KAZN: variants seen among roughly 807,000 people sequenced by gnomAD.
The protein encoded by KAZN is kazrin, periplakin interacting protein, also known as kazrin.
A neutral mutation model predicts 87.4 loss-of-function variants in KAZN; 40 were observed. The ratio of observed to expected loss-of-function variants is 0.46; its 90% CI spans 0.36 to 0.60. The LOEUF (loss-of-function observed/expected upper bound fraction) is 0.60, where lower values mean the gene tolerates loss of function less well. Among genes scored for constraint, KAZN ranks in the 20% least tolerant of loss-of-function variants. The pLI is 0.00. For missense variants in KAZN, 898 were observed against 1,073.9 expected (o/e 0.84, Z 2.29); for synonymous variants, 466 against 458.3 (o/e 1.02, Z -0.22).
chr1:14,648,729 A>G (rs1384098071), intron 1 of KAZN, among the ~76,000 whole-genome samples: 2 of 152,186 alleles, frequency 1.3e-5, no homozygotes, highest in African/African-American at 4.8e-5. Flanking sequence ...TAAAGGAGTT[A>G]GAGATTGGGA....
At chr1:14,281,647 T>G (rs1652844255) in intron 2 of KAZN, among the ~76,000 whole-genome samples, 1 of 152,228 alleles carries the variant, frequency 6.6e-6, no homozygotes, top group African/African-American at 2.4e-5. Context: ...ATTTCCTCTA[T>G]GCTGGTGATA....
intron 2 of KAZN, among the ~76,000 whole-genome samples, chr1:14,421,643 A>G (rs1665434028): frequency 6.6e-6 from 1 of 152,116 alleles, no homozygotes; most frequent in African/African-American, 2.4e-5. Flanking sequence ...TTCTATCCAC[A>G]AGTTTGGAAA....
intron 1 of KAZN, among the ~76,000 whole-genome samples, chr1:14,959,310 C>T (rs1663552252): frequency 6.6e-6 from 1 of 152,180 alleles, no homozygotes; most frequent in South Asian, 2.1e-4. Context: ...GAGGAGGCAG[C>T]CACAGGAAGA....
chr1:14,914,061 G>A (rs2807565), intron 1 of KAZN, among the ~76,000 whole-genome samples: 1 of 152,354 alleles, frequency 6.6e-6, no homozygotes, highest in East Asian at 1.9e-4. Flanking sequence ...GCCCTTCTGG[G>A]CAGGGCAGTG....
chr1:14,905,614 G>A (rs1361240300), intron 1 of KAZN, among the ~76,000 whole-genome samples: 1 of 152,226 alleles, frequency 6.6e-6, no homozygotes, highest in Admixed American at 6.5e-5. Flanking sequence ...GGGAGGCTGA[G>A]GAGGGCGGAT....
intron 1 of KAZN, among the ~76,000 whole-genome samples, chr1:14,161,044 G>A (rs1485232678): frequency 6.6e-6 from 1 of 152,152 alleles, no homozygotes; most frequent in Non-Finnish European, 1.5e-5. Context: ...CTTTACTCTG[G>A]AAGAAGACCA....
At chr1:14,800,723 A>G (rs967830251) in intron 1 of KAZN, among the ~76,000 whole-genome samples, 1 of 152,218 alleles carries the variant, frequency 6.6e-6, no homozygotes, top group Non-Finnish European at 1.5e-5. Context: ...AATGAAGCAC[A>G]TGCTACAACA....
chr1:14,071,906 G>T (rs1265059973), intron 1 of KAZN, among the ~76,000 whole-genome samples: 1 of 152,200 alleles, frequency 6.6e-6, no homozygotes, highest in Non-Finnish European at 1.5e-5. Flanking sequence ...CAACTACAAG[G>T]CTTGGAGACC....
At chr1:14,179,399 T>C (rs1392909359) in intron 1 of KAZN, among the ~76,000 whole-genome samples, 1 of 152,220 alleles carries the variant, frequency 6.6e-6, no homozygotes, top group Non-Finnish European at 1.5e-5. Flanking sequence ...AGGATCACAA[T>C]CCCATGTTGT....
At chr1:14,309,527 A>T (rs1655145415) in intron 2 of KAZN, among the ~76,000 whole-genome samples, 1 of 152,170 alleles carries the variant, frequency 6.6e-6, no homozygotes, top group South Asian at 2.1e-4. Flanking sequence ...TTTGATTCTA[A>T]TGCTACAGGA....
chr1:14,801,560 C>G (rs1369670931), intron 1 of KAZN, among the ~76,000 whole-genome samples: 1 of 152,110 alleles, frequency 6.6e-6, no homozygotes, highest in East Asian at 1.9e-4. Context: ...AGATAGTGGC[C>G]GTTTACCATG....
At chr1:13,945,706 T>TGAGA (rs1422921953) in intron 1 of KAZN, among the ~76,000 whole-genome samples, 140 of 140,820 alleles carry the variant, frequency 9.9e-4, no homozygotes, top group African/African-American at 3.3e-3. Flanking sequence ...TGTGTGTGTG[T>TGAGA]GTGTGAGAGA....
chr1:14,091,856 T>A lies in KAZN; in HGVS notation c.92-88579T>A, dbSNP rs143256296. Among the ~76,000 whole-genome samples the A allele has an allele frequency of 1.2e-3, 180 of 152,262 alleles. 1 individual carries two copies. Among genetic ancestry groups the A allele is most frequent in the South Asian group, 0.011 (55 of 4,824 alleles). ...TTCTCTAATTCATGCTAACCTTGCT[T>A]GGTACTTTGGTGATCAGAAAATTTA... is the stretch of plus-strand genomic sequence containing the variant. On this transcript the variant is annotated intron_variant, in intron 1 of 16. Coordinates refer to the KAZN transcript ENST00000636203.
At chr1:14,365,571 C>CTCG (rs1659927598) in intron 2 of KAZN, among the ~76,000 whole-genome samples, 1 of 152,142 alleles carries the variant, frequency 6.6e-6, no homozygotes. Context: ...GTTTTGCAAC[C>CTCG]TCGGCACTAC....
At chr1:15,097,911 G>A (rs1183483137) in intron 10 of KAZN, among the ~76,000 whole-genome samples, 1 of 152,176 alleles carries the variant, frequency 6.6e-6, no homozygotes, top group East Asian at 1.9e-4. Context: ...TGCCTTTCCA[G>A]TGTCCCATGC....
chr1:14,857,629 C>A (rs567250814), intron 1 of KAZN, among the ~76,000 whole-genome samples: 1 of 152,078 alleles, frequency 6.6e-6, no homozygotes, highest in Non-Finnish European at 1.5e-5. Context: ...ATGTTGAGGG[C>A]GCCCGCTGGC....
At chr1:14,711,304 C>T (rs370980011) in intron 1 of KAZN, among the ~76,000 whole-genome samples, 2 of 149,218 alleles carry the variant, frequency 1.3e-5, no homozygotes, top group South Asian at 2.1e-4. Flanking sequence ...TCCAGGAGTT[C>T]GAGACCAACC....
At chr1:14,796,464 T>G (rs985509745) in intron 1 of KAZN, among the ~76,000 whole-genome samples, 2 of 152,166 alleles carry the variant, frequency 1.3e-5, no homozygotes, top group Non-Finnish European at 2.9e-5. Context: ...CCTGCCCAGC[T>G]CTGATTCCCA....
intron 2 of KAZN, among the ~76,000 whole-genome samples, chr1:14,545,793 G>A (rs1286811697): frequency 6.6e-6 from 1 of 152,136 alleles, no homozygotes; most frequent in Non-Finnish European, 1.5e-5. Context: ...CAAGTCAGAG[G>A]CAGGGAAAGA....
Sources: gnomAD v4.1 joint callset for allele counts (sites outside exome capture counted in the v4.1 genomes callset) on GRCh38, gnomAD v4.1.1 for gene constraint, MANE v1.5 for transcripts, NCBI Gene and HGNC (gene_info 2026-07-23, HGNC 2026-07-21) for gene names.